Variants in SYNPR observed in about 807,000 individuals in gnomAD.
SYNPR encodes synaptoporin.
A neutral mutation model predicts 32.9 loss-of-function variants in SYNPR; 23 were observed. That is an observed-to-expected ratio of 0.70 (90% confidence interval 0.50 to 0.99). The LOEUF (loss-of-function observed/expected upper bound fraction) is 0.99, where lower values mean the gene tolerates loss of function less well. SYNPR is among the 50% of genes least tolerant of loss of function. SYNPR has a pLI of 0.00. For missense variants in SYNPR, 318 were observed against 349.3 expected, an observed-to-expected ratio of 0.91 and a Z score of 0.71; for synonymous variants, 146 against 135.9, an observed-to-expected ratio of 1.07 and a Z score of -0.52.
At chr3:63,606,413 C>CTT (rs1454337046) in intron 4 of SYNPR, among the ~76,000 whole-genome samples, 2 of 63,458 alleles carry the variant, frequency 3.2e-5, no homozygotes, top group African/African-American at 4.9e-5. Flanking sequence ...ACCTCAAATC[C>CTT]TTTCTTTTTT....
chr3:63,341,867 G>A (rs1354823640), intron 2 of SYNPR, among the ~76,000 whole-genome samples: 1 of 152,020 alleles, frequency 6.6e-6, no homozygotes, highest in Non-Finnish European at 1.5e-5. Context: ...TGTTAATGGA[G>A]TCCAAATTAC....
At chr3:63,554,542 G>C (rs557736058) in intron 3 of SYNPR, among the ~76,000 whole-genome samples, 30 of 152,216 alleles carry the variant, frequency 2.0e-4, no homozygotes, top group African/African-American at 6.5e-4. Flanking sequence ...TTATTTCTGA[G>C]TTTTTTATCC....
intron 1 of SYNPR, among the ~76,000 whole-genome samples, chr3:63,245,733 GTGTGTGTA>G (rs1214956531): frequency 0.014 from 1,294 of 89,852 alleles, 14 homozygotes; most frequent in African/African-American, 0.049. Context: ...GTGTGTGTGT[GTGTGTGTA>G]TGTGTGTGTG....
intron 3 of SYNPR, among the ~76,000 whole-genome samples, chr3:63,533,541 G>C (rs959294742): frequency 6.6e-6 from 1 of 152,104 alleles, no homozygotes; most frequent in Non-Finnish European, 1.5e-5. Flanking sequence ...AAATTACCTT[G>C]GGGTAATAAA....
chr3:63,486,100 G>C (rs1362213295), intron 3 of SYNPR, among the ~76,000 whole-genome samples: 1 of 152,068 alleles, frequency 6.6e-6, no homozygotes, highest in Admixed American at 6.6e-5. Flanking sequence ...GTAGAGACAG[G>C]GTTTCACCAT....
chr3:63,366,059 T>A (rs1456048880), intron 2 of SYNPR, among the ~76,000 whole-genome samples: 1 of 152,228 alleles, frequency 6.6e-6, no homozygotes, highest in African/African-American at 2.4e-5. Context: ...TTGCATTTAG[T>A]AATTATATCA....
At chr3:63,259,938 A>G (rs2086422257) in intron 2 of SYNPR, among the ~76,000 whole-genome samples, 1 of 152,242 alleles carries the variant, frequency 6.6e-6, no homozygotes, top group Non-Finnish European at 1.5e-5. Context: ...TAACAGACAG[A>G]GAGCCAAATC....
At chr3:63,540,570 A>G (rs1045829387) in intron 3 of SYNPR, among the ~76,000 whole-genome samples, 2 of 152,002 alleles carry the variant, frequency 1.3e-5, no homozygotes, top group African/African-American at 4.8e-5. Flanking sequence ...AGGAAGGAAA[A>G]AGAGGGAAGG....
At chr3:63,233,680 AAT>A (rs1343563009) in intron 1 of SYNPR, among the ~76,000 whole-genome samples, 1 of 151,332 alleles carries the variant, frequency 6.6e-6, no homozygotes, top group Non-Finnish European at 1.5e-5. Flanking sequence ...AACTGAAAAG[AAT>A]AATACTACGT....
chr3:63,323,212 T>G (rs2087129461), intron 2 of SYNPR, among the ~76,000 whole-genome samples: 2 of 152,084 alleles, frequency 1.3e-5, no homozygotes, highest in African/African-American at 2.4e-5. Flanking sequence ...CAACAATCCT[T>G]TCTCATAAGG....
intron 3 of SYNPR, among the ~76,000 whole-genome samples, chr3:63,522,894 T>C (rs1353666827): frequency 2.0e-5 from 3 of 152,058 alleles, no homozygotes; most frequent in Non-Finnish European, 4.4e-5. Context: ...CACAGGATGC[T>C]CTTGGAGGGC....
chr3:63,247,194 A>T (rs1425930763), intron 1 of SYNPR, among the ~76,000 whole-genome samples: 1 of 152,158 alleles, frequency 6.6e-6, no homozygotes, highest in Non-Finnish European at 1.5e-5. Flanking sequence ...GACATAAAAT[A>T]GATCATTAAT....
At chr3:63,564,142 C>G (rs1402758128) in intron 4 of SYNPR, among the ~76,000 whole-genome samples, 2 of 150,982 alleles carry the variant, frequency 1.3e-5, no homozygotes, top group Non-Finnish European at 2.9e-5. Context: ...ATAGACACAC[C>G]TATCAGAATC....
At chr3:63,454,546 T>G (rs1700443392) in intron 2 of SYNPR, among the ~76,000 whole-genome samples, 2 of 152,094 alleles carry the variant, frequency 1.3e-5, no homozygotes, top group African/African-American at 4.8e-5. Flanking sequence ...AGTTTTCCAT[T>G]AAGGGAGAGA....
At chr3:63,357,558 A>G (rs1229403565) in intron 2 of SYNPR, among the ~76,000 whole-genome samples, 1 of 152,088 alleles carries the variant, frequency 6.6e-6, no homozygotes, top group Non-Finnish European at 1.5e-5. Context: ...CTACCAGGCC[A>G]CAAGAATCCC....
intron 4 of SYNPR, among the ~76,000 whole-genome samples, chr3:63,565,870 C>T (rs1009375779): frequency 6.6e-6 from 1 of 152,144 alleles, no homozygotes; most frequent in African/African-American, 2.4e-5. Context: ...GTCCAGGAAC[C>T]TCACTGCTAG....
chr3:63,250,114 T>C (rs886353153), intron 1 of SYNPR, among the ~76,000 whole-genome samples: 5 of 152,052 alleles, frequency 3.3e-5, no homozygotes, highest in African/African-American at 1.2e-4. Flanking sequence ...TAGGGTTCTA[T>C]AGCATTGTAG....
intron 2 of SYNPR, among the ~76,000 whole-genome samples, chr3:63,467,345 TTTACCAG>T (rs1462937984): frequency 6.6e-6 from 1 of 152,216 alleles, no homozygotes; most frequent in Admixed American, 6.5e-5. Flanking sequence ...AATTCCTTAA[TTTACCAG>T]TTTTTAAACT....
the SYNPR span, among the ~76,000 whole-genome samples, chr3:63,220,104 A>G: frequency 6.6e-6 from 1 of 152,240 alleles, no homozygotes; most frequent in Admixed American, 6.5e-5. Context: ...TGCCTGGCAC[A>G]GAGCAAGTGC....
Sources: allele counts gnomAD v4.1 joint callset (sites outside exome capture counted in the v4.1 genomes callset), GRCh38; gene constraint gnomAD v4.1.1; transcripts MANE v1.5; gene names NCBI Gene and HGNC (gene_info 2026-07-23, HGNC 2026-07-21).